The following RABGEF1 variants were observed in gnomAD, a reference collection of about 807,000 sequenced individuals.
RABGEF1 encodes RAB guanine nucleotide exchange factor 1.
A neutral mutation model predicts 57.3 loss-of-function variants in RABGEF1; 26 were observed. The ratio of observed to expected loss-of-function variants is 0.45; its 90% CI spans 0.33 to 0.63. RABGEF1 has a LOEUF of 0.63. RABGEF1 is among the 20% of genes least tolerant of loss of function. The pLI is 0.02. For synonymous variants in RABGEF1, 185 were observed against 210.7 expected, an observed-to-expected ratio of 0.88 and a Z score of 1.06; for missense variants, 464 against 607.6, an observed-to-expected ratio of 0.76 and a Z score of 2.48.
chr7:66,730,593 G>A (rs1797205246), intron 2 of RABGEF1, among the ~76,000 whole-genome samples: 1 of 141,542 alleles, frequency 7.1e-6, no homozygotes, highest in African/African-American at 2.6e-5. Context: ...GGGTCTCACT[G>A]TGTCACCCAG....
At chr7:66,693,893 C>T (rs1375688143) in intron 1 of RABGEF1, among the ~76,000 whole-genome samples, 3 of 151,924 alleles carry the variant, frequency 2.0e-5, no homozygotes, top group Non-Finnish European at 2.9e-5. Context: ...CCGTAACCTC[C>T]GCCTCTGGGG....
At chr7:66,726,868 G>A (rs910625545) in intron 2 of RABGEF1, among the ~76,000 whole-genome samples, 1 of 152,112 alleles carries the variant, frequency 6.6e-6, no homozygotes, top group African/African-American at 2.4e-5. Context: ...GCTGGGTGTG[G>A]TGGCATGTGC....
intron 1 of RABGEF1, among the ~76,000 whole-genome samples, chr7:66,759,987 A>G (rs577082503): frequency 3.5e-4 from 54 of 152,340 alleles, no homozygotes; most frequent in East Asian, 1.3e-3. Context: ...CAAGCTGGAC[A>G]GTGTGGTTCA....
chr7:66,765,850 G>T (rs960973836), intron 1 of RABGEF1, among the ~76,000 whole-genome samples: 15 of 152,178 alleles, frequency 9.9e-5, no homozygotes, highest in African/African-American at 3.6e-4. Context: ...TTTGTGGATT[G>T]AGAGGACAGT....
At chr7:66,722,605 A>G (rs1367619186) in intron 2 of RABGEF1, among the ~76,000 whole-genome samples, 1 of 152,228 alleles carries the variant, frequency 6.6e-6, no homozygotes, top group African/African-American at 2.4e-5. Context: ...CAAGGTCACA[A>G]AGATTTATGC....
intron 1 of RABGEF1, among the ~76,000 whole-genome samples, chr7:66,690,859 G>A (rs1471691303): frequency 1.3e-5 from 2 of 152,024 alleles, no homozygotes; most frequent in Non-Finnish European, 2.9e-5. Flanking sequence ...TGAGGAAGGT[G>A]GGTCACTTGA....
At chr7:66,738,987 G>C (rs1470294089), upstream of RABGEF1, among the ~76,000 whole-genome samples, 1 of 151,946 alleles carries the variant, frequency 6.6e-6, no homozygotes. Flanking sequence ...AGTTTCACTC[G>C]TTGCCCAAGC....
intron 8 of RABGEF1, among the ~76,000 whole-genome samples, chr7:66,808,661 A>T (rs1231277497): frequency 6.6e-6 from 1 of 152,108 alleles, no homozygotes; most frequent in African/African-American, 2.4e-5. Flanking sequence ...GCACCTGGGG[A>T]GGCTGCACCC....
At chr7:66,706,354 C>T (rs1178451356) in intron 1 of RABGEF1, among the ~76,000 whole-genome samples, 1 of 152,088 alleles carries the variant, frequency 6.6e-6, no homozygotes, top group Non-Finnish European at 1.5e-5. Context: ...GTGACTAGGT[C>T]GTACGATAGG....
intron 1 of RABGEF1, among the ~76,000 whole-genome samples, chr7:66,751,314 A>C (rs895890429): frequency 6.6e-5 from 10 of 152,212 alleles, no homozygotes; most frequent in Admixed American, 2.0e-4. Context: ...TACAGGCGTG[A>C]GCCACCGTAC....
intron 1 of RABGEF1, among the ~76,000 whole-genome samples, chr7:66,688,844 G>T (rs1791098091): frequency 6.6e-6 from 1 of 152,182 alleles, no homozygotes. Flanking sequence ...CAACATCCCA[G>T]CATTTTGGGA....
chr7:66,736,696 A>T (rs560331325), upstream of RABGEF1, among the ~76,000 whole-genome samples: 1 of 152,212 alleles, frequency 6.6e-6, no homozygotes, highest in African/African-American at 2.4e-5. Context: ...CCCCATCTCT[A>T]CTAAAAATAC....
intron 1 of RABGEF1, among the ~76,000 whole-genome samples, chr7:66,684,797 G>A (rs1212478545): frequency 6.6e-6 from 1 of 152,132 alleles, no homozygotes; most frequent in Non-Finnish European, 1.5e-5. Context: ...ACCATGCCTG[G>A]CTAATTTTTT....
At chr7:66,671,270 T>C in the RABGEF1 span, among the ~76,000 whole-genome samples, 1 of 152,150 alleles carries the variant, frequency 6.6e-6, no homozygotes, top group South Asian at 2.1e-4. Context: ...ATCCTTAAAC[T>C]CCTGGCTCAA....
chr7:66,775,717 G>A (rs1808358157), intron 3 of RABGEF1, among the ~76,000 whole-genome samples: 1 of 152,144 alleles, frequency 6.6e-6, no homozygotes, highest in South Asian at 2.1e-4. Context: ...GTGGATCCTG[G>A]TTTGTTCTGT....
chr7:66,805,129 C>T lies in RABGEF1; in HGVS notation c.821-11C>T, dbSNP rs200122784. The stretch of plus-strand genomic sequence containing the variant: ...TTTCTCCTGGGAAATATTGTCTTTT[C>T]TGCTTTGTAGATATCATTGAAATGG... On this transcript the variant is annotated splice_polypyrimidine_tract_variant and intron_variant, in intron 7 of 8. Transcript: ENST00000284957. 3.9e-5 allele frequency: 62 copies of T among 1,581,308 alleles called. No individual in the cohort carries two copies. Among genetic ancestry groups the T allele is most frequent in the Non-Finnish European group, 4.9e-5 (56 of 1,151,494 alleles).
At chr7:66,730,665 C>A (rs970108384) in intron 2 of RABGEF1, among the ~76,000 whole-genome samples, 2 of 150,504 alleles carry the variant, frequency 1.3e-5, no homozygotes, top group Non-Finnish European at 2.9e-5. Context: ...TCAAGCAATT[C>A]TCCTGCCTCA....
the RABGEF1 span, among the ~76,000 whole-genome samples, chr7:66,663,055 C>T: frequency 7.7e-4 from 117 of 152,344 alleles, no homozygotes; most frequent in South Asian, 1.7e-3. Flanking sequence ...CCGCCCAGGG[C>T]GGAAAACCGC....
At chr7:66,658,792 G>A in the RABGEF1 span, among the ~76,000 whole-genome samples, 1 of 152,086 alleles carries the variant, frequency 6.6e-6, no homozygotes. Context: ...CTAGAGTGCA[G>A]TGGCGCGATC....
Sources: gnomAD v4.1 joint callset for allele counts (sites outside exome capture counted in the v4.1 genomes callset) on GRCh38, gnomAD v4.1.1 for gene constraint, MANE v1.5 for transcripts, NCBI Gene and HGNC (gene_info 2026-07-23, HGNC 2026-07-21) for gene names.